Variants in FER observed in about 807,000 individuals in gnomAD.
The protein encoded by FER is tyrosine-protein kinase Fer.
A neutral mutation model predicts 111.0 loss-of-function variants in FER; 63 were observed. The observed-to-expected ratio is 0.57, with a 90% CI of 0.46 to 0.70. The LOEUF (loss-of-function observed/expected upper bound fraction) is 0.70, where lower values mean the gene tolerates loss of function less well. FER is among the 30% of genes least tolerant of loss of function. The pLI is 0.00. For synonymous variants in FER, 327 were observed against 313.9 expected (o/e 1.04, Z -0.44); for missense variants, 914 against 954.0 (o/e 0.96, Z 0.55).
intron 5 of FER, among the ~76,000 whole-genome samples, chr5:108,861,207 T>G (rs1423179251): frequency 6.6e-6 from 1 of 152,178 alleles, no homozygotes; most frequent in African/African-American, 2.4e-5. Context: ...AATAATCACT[T>G]CTTATTTATT....
At chr5:108,780,702 A>AT (rs1317765854) in intron 2 of FER, among the ~76,000 whole-genome samples, 4 of 151,908 alleles carry the variant, frequency 2.6e-5, no homozygotes, top group Non-Finnish European at 5.9e-5. Context: ...ATTGTCATTT[A>AT]TTATTGTTTC....
At chr5:109,044,416 C>T (rs1398696737) in intron 14 of FER, among the ~76,000 whole-genome samples, 2 of 151,966 alleles carry the variant, frequency 1.3e-5, no homozygotes, top group South Asian at 4.2e-4. Flanking sequence ...CTCCTGACCT[C>T]GTGATCTGCC....
chr5:108,986,507 T>C (rs190525251), intron 13 of FER, among the ~76,000 whole-genome samples: 1 of 152,278 alleles, frequency 6.6e-6, no homozygotes, highest in African/African-American at 2.4e-5. Flanking sequence ...TTCTTGGTTA[T>C]GAAGTCTTTG....
At chr5:108,942,554 A>G (rs1194520452) in intron 10 of FER, among the ~76,000 whole-genome samples, 1 of 152,172 alleles carries the variant, frequency 6.6e-6, no homozygotes, top group African/African-American at 2.4e-5. Flanking sequence ...TTTAGTCAGA[A>G]ACCCTGTTGC....
chr5:108,827,676 T>C (rs1284043863), intron 3 of FER, among the ~76,000 whole-genome samples: 1 of 152,076 alleles, frequency 6.6e-6, no homozygotes, highest in Non-Finnish European at 1.5e-5. Flanking sequence ...TTTTCACTTG[T>C]CTTTTTGTTG....
At chr5:108,990,181 T>A (rs1210548913) in intron 13 of FER, among the ~76,000 whole-genome samples, 1 of 151,960 alleles carries the variant, frequency 6.6e-6, no homozygotes, top group Admixed American at 6.5e-5. Context: ...AGTCATTGAA[T>A]TAAAATGCTG....
At chr5:108,824,325 T>C (rs1265828181) in intron 3 of FER, among the ~76,000 whole-genome samples, 1 of 152,152 alleles carries the variant, frequency 6.6e-6, no homozygotes, top group East Asian at 1.9e-4. Context: ...AATGTCGTTT[T>C]TTATCATTGA....
chr5:109,004,109 G>A (rs1057227322), intron 13 of FER, among the ~76,000 whole-genome samples: 6 of 152,138 alleles, frequency 3.9e-5, no homozygotes, highest in Non-Finnish European at 5.9e-5. Flanking sequence ...CTCTGCTGAT[G>A]CAAATGTAAA....
Position 108,832,948 on chromosome 5 carries a change from G to A in FER, c.381+5G>A, listed in dbSNP as rs1301443616. ...ATAGAGGCAGAGATGATCAAGGTTC[G>A]TTTTTCCATATTGAAGTTCTTTCTT... On this transcript the variant is annotated splice_donor_5th_base_variant and intron_variant, in intron 4 of 19. Transcript: ENST00000281092. 3.9e-6 allele frequency: 6 copies of A among 1,543,914 alleles called. No homozygotes were observed. Among genetic ancestry groups the A allele is most frequent in the South Asian group, 1.2e-5 (1 of 80,058 alleles).
At chr5:108,914,348 C>A (rs953440945) in intron 10 of FER, among the ~76,000 whole-genome samples, 1 of 151,738 alleles carries the variant, frequency 6.6e-6, no homozygotes, top group African/African-American at 2.4e-5. Context: ...CCATATATGC[C>A]ATACTTACTT....
At chr5:109,001,615 T>C (rs1331284117) in intron 13 of FER, among the ~76,000 whole-genome samples, 1 of 152,154 alleles carries the variant, frequency 6.6e-6, no homozygotes, top group Non-Finnish European at 1.5e-5. Flanking sequence ...TTCAACATAG[T>C]GTTGGAAGTT....
chr5:109,059,926 A>G (rs1402904791), intron 16 of FER, among the ~76,000 whole-genome samples: 1 of 152,216 alleles, frequency 6.6e-6, no homozygotes, highest in Non-Finnish European at 1.5e-5. Context: ...GTAGAACCCA[A>G]ATGTCCATCA....
intron 17 of FER, among the ~76,000 whole-genome samples, chr5:109,106,351 A>T (rs561710894): frequency 2.0e-5 from 3 of 151,976 alleles, no homozygotes; most frequent in African/African-American, 7.2e-5. Flanking sequence ...AAGAGTTTGA[A>T]TTTTTTTTCA....
intron 13 of FER, among the ~76,000 whole-genome samples, chr5:108,985,895 CAT>C (rs1207852262): frequency 6.6e-6 from 1 of 152,192 alleles, no homozygotes; most frequent in African/African-American, 2.4e-5. Flanking sequence ...CTCCTGTAGA[CAT>C]GTGTATGCAA....
chr5:108,980,370 AC>A (rs1436825933), intron 13 of FER, among the ~76,000 whole-genome samples: 1 of 152,124 alleles, frequency 6.6e-6, no homozygotes, highest in Admixed American at 6.6e-5. Context: ...AAGAGTAAAG[AC>A]CAAGAAAATT....
intron 10 of FER, among the ~76,000 whole-genome samples, chr5:108,919,465 G>A (rs1026619421): frequency 6.6e-6 from 1 of 151,944 alleles, no homozygotes; most frequent in Admixed American, 6.6e-5. Flanking sequence ...TTCTTTGAGA[G>A]ATACTTAATT....
intron 17 of FER, among the ~76,000 whole-genome samples, chr5:109,131,582 A>T (rs1365598996): frequency 6.6e-6 from 1 of 152,044 alleles, no homozygotes; most frequent in African/African-American, 2.4e-5. Flanking sequence ...TTCTTTTAAT[A>T]TTTCAATTTT....
chr5:108,824,696 T>G (rs1179167645), intron 3 of FER, among the ~76,000 whole-genome samples: 1 of 152,172 alleles, frequency 6.6e-6, no homozygotes, highest in African/African-American at 2.4e-5. Flanking sequence ...ATGTTATTGA[T>G]CTTTATATGT....
Position 108,867,899 on chromosome 5 carries a change from C to A in FER, c.614C>A (p.Pro205His). Residue 205 changes from proline (P) to histidine (H), a missense_variant, in exon 6 of 20, where the codon CCC becomes CAC. Coordinates refer to ENST00000281092, the MANE Select transcript of FER (RefSeq NM_005246.4). ...AATCAGTATTATGATATCACACTTC[C>A]CCTGCTTCTGGACTCCTTACAAAAG... ...HQNQYYDITL[P>H]LLLDSLQKMQ... 1 of 1,612,998 alleles carries A rather than the reference C, an allele frequency of 6.2e-7. No individual in the cohort carries two copies. Among genetic ancestry groups the A allele is most frequent in the South Asian group, 1.1e-5 (1 of 90,986 alleles).
Sources: gnomAD v4.1 joint callset for allele counts (sites outside exome capture counted in the v4.1 genomes callset) on GRCh38, gnomAD v4.1.1 for gene constraint, MANE v1.5 for transcripts, NCBI Gene and HGNC (gene_info 2026-07-23, HGNC 2026-07-21) for gene names.